Variants in PDE10A observed in about 807,000 individuals in gnomAD.
PDE10A encodes phosphodiesterase 10A, also known as cAMP and cAMP-inhibited cGMP 3',5'-cyclic phosphodiesterase 10A.
PDE10A carries 39 observed loss-of-function variants against 97.7 expected under a neutral mutation model. The ratio of observed to expected loss-of-function variants is 0.40; its 90% CI spans 0.31 to 0.52. PDE10A has a LOEUF of 0.52. Ranked by LOEUF, PDE10A falls within the 20% of genes least tolerant of loss-of-function variation. The pLI, the probability that PDE10A is intolerant of heterozygous loss-of-function variation, is 0.56. For missense variants in PDE10A, 731 were observed against 1,047.8 expected, an observed-to-expected ratio of 0.70 and a Z score of 4.17; for synonymous variants, 371 against 376.8, an observed-to-expected ratio of 0.98 and a Z score of 0.18.
intron 1 of PDE10A, among the ~76,000 whole-genome samples, chr6:165,820,753 A>C (rs1410259652): frequency 6.6e-6 from 1 of 152,258 alleles, no homozygotes; most frequent in Non-Finnish European, 1.5e-5. Context: ...CAAACGAAAG[A>C]AAGCCATAAA....
At chr6:165,346,331 CA>C (rs1782305750) in intron 18 of PDE10A, among the ~76,000 whole-genome samples, 1 of 152,110 alleles carries the variant, frequency 6.6e-6, no homozygotes, top group South Asian at 2.1e-4. Context: ...GGATTCCAGA[CA>C]TTAGAGGTAG....
chr6:165,823,640 A>G (rs1396078709), intron 1 of PDE10A, among the ~76,000 whole-genome samples: 1 of 122,856 alleles, frequency 8.1e-6, no homozygotes, highest in Non-Finnish European at 2.0e-5. Flanking sequence ...TCATAAATAC[A>G]AATCTGTAAC....
intron 1 of PDE10A, among the ~76,000 whole-genome samples, chr6:165,602,743 C>T (rs1787023570): frequency 6.6e-6 from 1 of 152,162 alleles, no homozygotes. Context: ...ATACCTTGTA[C>T]AGGTGTGAGG....
At chr6:165,475,316 T>G (rs1335588519) in intron 3 of PDE10A, among the ~76,000 whole-genome samples, 1 of 152,176 alleles carries the variant, frequency 6.6e-6, no homozygotes, top group African/African-American at 2.4e-5. Flanking sequence ...AACAGAAATT[T>G]TATAAATATG....
In PDE10A at chr6:165,661,600, T is replaced by A. The variant is rs757136605; in HGVS notation, c.865+347A>T. ...GAACCTAAGTGGTCACAAAGTTGAG[T>A]ATAAATACGCGCCGGACAAGTGTGG... is the stretch of plus-strand genomic sequence containing the variant. On this transcript the variant is annotated intron_variant, in intron 1 of 21. Transcript: ENST00000539869. This position sits in a 1 kb window ranked among gnomAD's most constrained non-coding sequence, Gnocchi z 4.8. 1.5e-5 allele frequency: 4 copies of A among 271,100 alleles called. No homozygotes were observed. The highest frequency in any genetic ancestry group is 2.7e-5 in the Non-Finnish European group (4 of 145,676). The allele number at this position is 271,100 out of a possible 1,614,324, so 16.8% of individuals were successfully genotyped here.
chr6:165,598,812 G>C (rs1409318006), intron 1 of PDE10A, among the ~76,000 whole-genome samples: 2 of 152,084 alleles, frequency 1.3e-5, no homozygotes, highest in Non-Finnish European at 2.9e-5. Context: ...TAATAGCCCA[G>C]CACTGGGACC....
intron 1 of PDE10A, among the ~76,000 whole-genome samples, chr6:165,611,610 C>T (rs957995603): frequency 6.6e-6 from 1 of 152,246 alleles, no homozygotes; most frequent in African/African-American, 2.4e-5. Context: ...TCAACTTAAC[C>T]TCTGAGCAAT....
chr6:165,620,283 C>G (rs189900266), intron 1 of PDE10A, among the ~76,000 whole-genome samples: 1 of 152,168 alleles, frequency 6.6e-6, no homozygotes, highest in African/African-American at 2.4e-5. Context: ...CTCCCACCCC[C>G]ACCCTGGCCA....
intron 1 of PDE10A, among the ~76,000 whole-genome samples, chr6:165,627,300 G>A (rs1788433019): frequency 1.3e-5 from 2 of 152,124 alleles, no homozygotes; most frequent in South Asian, 4.1e-4. Context: ...AAGGCCTGAT[G>A]TATTTTAAAT....
At chr6:165,777,404 C>T (rs1161981972) in intron 1 of PDE10A, among the ~76,000 whole-genome samples, 1 of 152,180 alleles carries the variant, frequency 6.6e-6, no homozygotes, top group African/African-American at 2.4e-5. Flanking sequence ...TCCTATAGGA[C>T]CCTTTTCCAA....
chr6:165,449,116 C>T (rs1791085708), intron 4 of PDE10A, 139 bp from the exon 5 acceptor site: 3 of 621,476 alleles, frequency 4.8e-6, no homozygotes, highest in Non-Finnish European at 8.9e-6. Context: ...GTAAATGGAA[C>T]AAAATCACTT....
At chr6:165,760,592 A>AT (rs1217199030) in intron 1 of PDE10A, among the ~76,000 whole-genome samples, 2 of 152,150 alleles carry the variant, frequency 1.3e-5, no homozygotes, top group African/African-American at 4.8e-5. Context: ...TGTGCTCAGA[A>AT]TTTTGCTGGA....
intron 2 of PDE10A, among the ~76,000 whole-genome samples, chr6:165,497,881 T>C (rs1780631583): frequency 6.6e-6 from 1 of 152,206 alleles, no homozygotes; most frequent in South Asian, 2.1e-4. Flanking sequence ...GTAAACTCTG[T>C]CGACATTTGA....
At chr6:165,597,568 A>C (rs141455561) in intron 1 of PDE10A, among the ~76,000 whole-genome samples, 14 of 152,362 alleles carry the variant, frequency 9.2e-5, no homozygotes, top group Non-Finnish European at 5.9e-5. Flanking sequence ...CGACCAATAA[A>C]TAGAAGGAAA....
intron 1 of PDE10A, among the ~76,000 whole-genome samples, chr6:165,959,710 T>C (rs1020528702): frequency 2.0e-5 from 3 of 152,128 alleles, no homozygotes; most frequent in Non-Finnish European, 4.4e-5. Flanking sequence ...GCTCTTCTGC[T>C]TGGTGAGACC....
chr6:165,508,059 TG>T (rs1269562134), intron 2 of PDE10A, among the ~76,000 whole-genome samples: 1 of 152,092 alleles, frequency 6.6e-6, no homozygotes. Flanking sequence ...GGCCATTACT[TG>T]TATTTTCAAA....
chr6:165,824,641 C>T (rs1222617956), intron 1 of PDE10A, among the ~76,000 whole-genome samples: 2 of 152,164 alleles, frequency 1.3e-5, no homozygotes, highest in Non-Finnish European at 2.9e-5. Flanking sequence ...ACCTAGCTCA[C>T]AGACCTTTGT....
chr6:165,841,317 C>T (rs1780251650), intron 1 of PDE10A, among the ~76,000 whole-genome samples: 1 of 152,210 alleles, frequency 6.6e-6, no homozygotes, highest in Non-Finnish European at 1.5e-5. Flanking sequence ...AGTTTATGGA[C>T]CCATTGTTCC....
At chr6:165,777,847 C>G (rs1430730169) in intron 1 of PDE10A, among the ~76,000 whole-genome samples, 1 of 152,180 alleles carries the variant, frequency 6.6e-6, no homozygotes, top group East Asian at 1.9e-4. Context: ...ACCATGGTGT[C>G]TGCTGGCCTG....
Sources: gnomAD v4.1 joint callset for allele counts (sites outside exome capture counted in the v4.1 genomes callset) on GRCh38, gnomAD v4.1.1 for gene constraint, Gnocchi (gnomAD v3.1) non-coding constraint, MANE v1.5 for transcripts, NCBI Gene and HGNC (gene_info 2026-07-23, HGNC 2026-07-21) for gene names.